MARCHF3: variants seen among roughly 807,000 people sequenced by gnomAD.
The protein encoded by MARCHF3 is membrane associated ring-CH-type finger 3, also known as E3 ubiquitin-protein ligase MARCHF3.
In MARCHF3, 13 loss-of-function variants were observed where a neutral mutation model predicts 24.2. The ratio of observed to expected loss-of-function variants is 0.54; its 90% confidence interval spans 0.35 to 0.85. The LOEUF (loss-of-function observed/expected upper bound fraction) is 0.85. Ranked by LOEUF, MARCHF3 falls within the 40% of genes least tolerant of loss-of-function variation. The probability of loss-of-function intolerance (pLI) is 0.01; values close to 1 mark genes in which losing one functional copy is unlikely to be tolerated. For synonymous variants in MARCHF3, 144 were observed against 137.3 expected, an observed-to-expected ratio of 1.05 and a Z score of -0.34; for missense variants, 276 against 325.0, an observed-to-expected ratio of 0.85 and a Z score of 1.16.
At chr5:126,937,759 T>G (rs1459124478) in intron 1 of MARCHF3, among the ~76,000 whole-genome samples, 1 of 152,120 alleles carries the variant, frequency 6.6e-6, no homozygotes, top group Admixed American at 6.5e-5. Context: ...GGGGTGAGAG[T>G]GGGGTGAGAA....
intron 1 of MARCHF3, among the ~76,000 whole-genome samples, chr5:127,028,612 A>G (rs902201078): frequency 6.8e-6 from 1 of 148,098 alleles, no homozygotes; most frequent in African/African-American, 2.5e-5. Context: ...GCATTATTTT[A>G]ACAAGCAAAA....
intron 3 of MARCHF3, among the ~76,000 whole-genome samples, chr5:126,894,689 A>C (rs1259489058): frequency 1.3e-5 from 2 of 152,032 alleles, no homozygotes; most frequent in Non-Finnish European, 2.9e-5. Context: ...CTTTGAGGGT[A>C]ACCCGCCCTT....
intron 1 of MARCHF3, among the ~76,000 whole-genome samples, chr5:126,964,151 T>G (rs1255497284): frequency 6.6e-6 from 1 of 152,184 alleles, no homozygotes; most frequent in Non-Finnish European, 1.5e-5. Context: ...TCTTTTTCTC[T>G]TCCCCCTCCT....
intron 1 of MARCHF3, among the ~76,000 whole-genome samples, chr5:126,997,461 CT>C (rs139553838): frequency 0.014 from 2,112 of 152,164 alleles, 17 homozygotes; most frequent in Middle Eastern, 0.027. Flanking sequence ...TTGGTGAGGA[CT>C]TGTCTCAAAA....
chr5:126,907,780 C>T (rs1275776624), intron 3 of MARCHF3, among the ~76,000 whole-genome samples: 4 of 148,714 alleles, frequency 2.7e-5, no homozygotes, highest in East Asian at 2.0e-4. Context: ...ATCCAATTTG[C>T]CAGTCTGTGT....
Position 126,918,382 on chromosome 5 carries a change from G to GCACACACACACACA in MARCHF3, c.-56-169_-56-156dup, listed in dbSNP as rs112284753. Among the ~76,000 whole-genome samples, 717 of 149,524 alleles carry GCACACACACACACA rather than the reference G, an allele frequency of 4.8e-3. 2 individuals carry two copies. Among genetic ancestry groups the GCACACACACACACA allele is most frequent in the East Asian group, 0.023 (118 of 5,106 alleles). Reference sequence around the variant, plus strand: ...TATCTTGTTACTGTTTAATACAAGTGCACACACACACACACACACAGAGCC... The same window carrying GCACACACACACACA: ...TATCTTGTTACTGTTTAATACAAGTGCACACACACACACACACACACACACACACACACAGAGCC... On this transcript the variant is annotated intron_variant, in intron 1 of 4. Coordinates refer to ENST00000308660, the MANE Select transcript of MARCHF3 (RefSeq NM_178450.5).
intron 1 of MARCHF3, among the ~76,000 whole-genome samples, chr5:127,021,055 A>G (rs1315371261): frequency 6.6e-6 from 1 of 152,062 alleles, no homozygotes; most frequent in African/African-American, 2.4e-5. Flanking sequence ...AATTTCTGCT[A>G]TTTATAAGTT....
At chr5:126,892,800 T>C (rs1325267880) in intron 3 of MARCHF3, among the ~76,000 whole-genome samples, 4 of 150,672 alleles carry the variant, frequency 2.7e-5, no homozygotes, top group Non-Finnish European at 5.9e-5. Context: ...GATGCTGGCC[T>C]CATAAAATGA....
At position 126,936,300 on chromosome 5, in the gene MARCHF3, C is replaced by T. The variant is rs188225142; in HGVS notation, c.-56-18073G>A. ...AGAAATGCAAACAAGGACTTATGCA[C>T]GATCTGCAGTACTTTTTAATACTCT... is the stretch of plus-strand genomic sequence containing the variant. On this transcript the variant is annotated intron_variant, in intron 1 of 4. Transcript: ENST00000308660. 1.4e-4 allele frequency among the ~76,000 whole-genome samples: 22 copies of T among 152,236 alleles called. No individual in the cohort carries two copies. In the East Asian group the frequency reaches 4.0e-3, roughly 28 times the overall value.
chr5:126,957,244 G>T (rs977026983), intron 1 of MARCHF3, among the ~76,000 whole-genome samples: 1 of 151,658 alleles, frequency 6.6e-6, no homozygotes, highest in Non-Finnish European at 1.5e-5. Context: ...CTTTTTATTA[G>T]TGGTGCTTAA....
rs781476962 is a variant in MARCHF3 at position 126,918,193 on chromosome 5, T to C, written c.-22A>G. 1.9e-6 allele frequency: 3 copies of C among 1,601,650 alleles called. No homozygotes were observed. Among genetic ancestry groups the C allele is most frequent in the Non-Finnish European group, 1.7e-6 (2 of 1,173,464 alleles). On this transcript the variant is annotated 5_prime_UTR_variant, in exon 2 of 5. Coordinates refer to ENST00000308660, the MANE Select transcript of MARCHF3 (RefSeq NM_178450.5). ...TCATGGTAACAGACAGCAATTACTC[T>C]GCTAATGGCTTCCACATTCATACAG...
At chr5:126,940,592 C>T (rs1424721347) in intron 1 of MARCHF3, among the ~76,000 whole-genome samples, 1 of 151,870 alleles carries the variant, frequency 6.6e-6, no homozygotes, top group Admixed American at 6.6e-5. Flanking sequence ...GGATTACAGG[C>T]ACCCGCCACC....
At position 126,995,142 on chromosome 5, in the gene MARCHF3, A is replaced by G. The variant is rs191406299; in HGVS notation, c.-57+35208T>C. Among the ~76,000 whole-genome samples the G allele has an allele frequency of 5.9e-5, 9 of 152,346 alleles. No individual in the cohort carries two copies. The East Asian group carries it at 1.7e-3, about 29-fold the overall frequency. On this transcript the variant is annotated intron_variant, in intron 1 of 4. Coordinates refer to ENST00000308660, the MANE Select transcript of MARCHF3 (RefSeq NM_178450.5). ...AACACCCTCACAGACACACCCAGGA[A>G]CAATACTTTGCATCCTTCAATCTAA...
chr5:126,892,481 G>T (rs1753730683), intron 3 of MARCHF3, among the ~76,000 whole-genome samples: 1 of 147,878 alleles, frequency 6.8e-6, no homozygotes, highest in African/African-American at 2.6e-5. Context: ...CTAATTTATT[G>T]AGAGTTTTTA....
chr5:126,987,762 G>A (rs549799394), intron 1 of MARCHF3, among the ~76,000 whole-genome samples: 5 of 152,126 alleles, frequency 3.3e-5, no homozygotes, highest in East Asian at 3.9e-4. Context: ...TTTCAAGTCC[G>A]GGTGGAGAAG....
intron 3 of MARCHF3, chr5:126,914,680 A>G (rs573169596): frequency 8.8e-6 from 5 of 569,208 alleles, no homozygotes; most frequent in African/African-American, 7.5e-5. Context: ...ATACTAATTT[A>G]TTCTGCTTTC....
rs1752893197 is a variant in MARCHF3, at chr5:126,869,582, C to CTCTTTTTTTTT, written c.*1050_*1051insAAAAAAAAAGA. On this transcript the variant is annotated 3_prime_UTR_variant, in exon 5 of 5. Coordinates refer to ENST00000308660, the MANE Select transcript of MARCHF3 (RefSeq NM_178450.5). ...ATAAGTGCAGGGCTGCTAGGACAGGCTTTTTTTTTTTTTTTTTTTTTTGCC... is the reference window on the plus strand; with the variant it reads ...ATAAGTGCAGGGCTGCTAGGACAGGCTCTTTTTTTTTTTTTTTTTTTTTTTTTTTTTTTGCC... 1.3e-5 allele frequency: 1 copy of CTCTTTTTTTTT among 79,832 alleles called. No individual in the cohort carries two copies. The highest frequency in any genetic ancestry group is 5.3e-5 in the African/African-American group (1 of 18,756). The allele number at this position is 79,832 out of a possible 1,614,324, so 4.9% of individuals were successfully genotyped here.
intron 4 of MARCHF3, among the ~76,000 whole-genome samples, chr5:126,871,870 CAAA>C (rs1752978556): frequency 6.6e-6 from 1 of 151,912 alleles, no homozygotes; most frequent in African/African-American, 2.4e-5. Flanking sequence ...CCATGCCTGG[CAAA>C]TTTTTGTGTT....
At chr5:126,894,093 T>G (rs1214169679) in intron 3 of MARCHF3, among the ~76,000 whole-genome samples, 1 of 142,618 alleles carries the variant, frequency 7.0e-6, no homozygotes, top group Non-Finnish European at 1.5e-5. Flanking sequence ...GTCCGTTTTA[T>G]CAGAGACTAG....
Sources: allele counts gnomAD v4.1 joint callset (sites outside exome capture counted in the v4.1 genomes callset), GRCh38; gene constraint gnomAD v4.1.1; transcripts MANE v1.5; gene names NCBI Gene and HGNC (gene_info 2026-07-23, HGNC 2026-07-21).